The following PTPA variants were observed in gnomAD, a reference collection of about 807,000 sequenced individuals.
PTPA encodes the protein serine/threonine-protein phosphatase 2A activator.
PTPA carries 13 observed loss-of-function variants against 43.6 expected under a neutral mutation model. The observed-to-expected ratio is 0.30, with a 90% CI of 0.19 to 0.47. The LOEUF (loss-of-function observed/expected upper bound fraction) is 0.47, where lower values mean the gene tolerates loss of function less well. Among genes scored for constraint, PTPA ranks in the 20% least tolerant of loss-of-function variants. PTPA has a pLI of 0.99. For synonymous variants in PTPA, 172 were observed against 158.2 expected (o/e 1.09, Z -0.66); for missense variants, 329 against 411.9 (o/e 0.80, Z 1.74).
Position 129,119,980 on chromosome 9 carries a change from C to T in PTPA, c.32-533C>T, listed in dbSNP as rs115370432. Among the ~76,000 whole-genome samples the T allele has an allele frequency of 6.4e-4, 98 of 152,092 alleles. 1 individual carries two copies. The highest frequency in any genetic ancestry group is 2.1e-3 in the African/African-American group (88 of 41,516). ...CCTGGTTTAAAAGTGAGAGAGAGGC[C>T]GGGCGCTTTGGCTCATACCTGTAAT... On this transcript the variant is annotated intron_variant, in intron 1 of 9. Coordinates refer to ENST00000393370, the MANE Select transcript of PTPA (RefSeq NM_178000.3).
chr9:129,125,629 T>G (rs1295125286), intron 3 of PTPA, among the ~76,000 whole-genome samples: 1 of 152,130 alleles, frequency 6.6e-6, no homozygotes, highest in Non-Finnish European at 1.5e-5. Flanking sequence ...CTGGCTAGTT[T>G]CATAACTTGT....
At chr9:129,132,339 TA>T (rs987710628) in intron 5 of PTPA, among the ~76,000 whole-genome samples, 11 of 152,126 alleles carry the variant, frequency 7.2e-5, no homozygotes, top group Admixed American at 2.0e-4. Context: ...TTTATATATT[TA>T]TTTTTTTGAG....
intron 9 of PTPA, among the ~76,000 whole-genome samples, chr9:129,144,736 CAAAAAAAAAA>C (rs35064318): frequency 9.3e-6 from 1 of 108,052 alleles, no homozygotes; most frequent in Admixed American, 9.4e-5. Flanking sequence ...GAGACTCTCT[CAAAAAAAAAA>C]AAAAAAAAAG....
rs117481351 is a variant in PTPA at position 129,126,472 on chromosome 9, G to A, written c.217-2513G>A. Reference sequence around the variant, plus strand: ...TGGGATTACAGACGTGAGCCACTGTGCCTGGCCAGCTAGCTCTTATTTTAA... The same window carrying A: ...TGGGATTACAGACGTGAGCCACTGTACCTGGCCAGCTAGCTCTTATTTTAA... On this transcript the variant is annotated intron_variant, in intron 3 of 9. Coordinates refer to ENST00000393370, the MANE Select transcript of PTPA (RefSeq NM_178000.3). Among the ~76,000 whole-genome samples, 1,614 of 152,164 alleles carry A rather than the reference G, an allele frequency of 0.011. 112 individuals are homozygous for A. The East Asian group carries it at 0.2, about 19-fold the overall frequency.
intron 8 of PTPA, among the ~76,000 whole-genome samples, chr9:129,140,469 G>A (rs1260957362): frequency 6.6e-6 from 1 of 152,186 alleles, no homozygotes; most frequent in Non-Finnish European, 1.5e-5. Context: ...GGGGCCCAGG[G>A]CCACTGGAGC....
chr9:129,131,786 G>C (rs1377586364), intron 5 of PTPA, 147 bp downstream of exon 5: 1 of 794,706 alleles, frequency 1.3e-6, no homozygotes, highest in African/African-American at 1.7e-5. Flanking sequence ...CTGGGGTTAG[G>C]GTGGCTTCAC....
At chr9:129,118,712 G>T (rs114156962) in intron 1 of PTPA, among the ~76,000 whole-genome samples, 2 of 150,590 alleles carry the variant, frequency 1.3e-5, no homozygotes, top group Admixed American at 1.3e-4. Context: ...ATGGGGTCTC[G>T]CTGTGTTGCC....
intron 9 of PTPA, chr9:129,143,337 A>G (rs571225143): frequency 1.4e-6 from 1 of 703,054 alleles, no homozygotes; most frequent in South Asian, 1.5e-5. Context: ...CCACACCTGG[A>G]GTGATGGGTC....
At chr9:129,145,333 A>G (rs1047641658) in intron 9 of PTPA, among the ~76,000 whole-genome samples, 136 of 136,758 alleles carry the variant, frequency 9.9e-4, no homozygotes, top group Admixed American at 5.0e-3. Context: ...CATCTCAGGA[A>G]AAAAAAAAAA....
intron 3 of PTPA, among the ~76,000 whole-genome samples, chr9:129,125,868 G>C (rs926174704): frequency 3.9e-5 from 6 of 152,162 alleles, no homozygotes; most frequent in African/African-American, 1.4e-4. Flanking sequence ...CTAGCTTTTG[G>C]CTGGGCGCGG....
At chr9:129,142,613 C>G in intron 9 of PTPA, 61 bp downstream of exon 9, 1 of 1,602,742 alleles carries the variant, frequency 6.2e-7, no homozygotes, top group Non-Finnish European at 8.5e-7. Context: ...GGGCTGGGGA[C>G]AAAGCAAAAG....
intron 3 of PTPA, among the ~76,000 whole-genome samples, chr9:129,126,063 C>G (rs943355192): frequency 1.3e-5 from 2 of 151,964 alleles, no homozygotes; most frequent in African/African-American, 2.4e-5. Context: ...CAGGAGAATC[C>G]TTTGAAACCC....
At chr9:129,130,361 C>T (rs898723772) in intron 4 of PTPA, among the ~76,000 whole-genome samples, 1 of 151,836 alleles carries the variant, frequency 6.6e-6, no homozygotes, top group Non-Finnish European at 1.5e-5. Flanking sequence ...AAGTGCTGTT[C>T]CCAAGAGACG....
Position 129,131,613 on chromosome 9 carries a change from A to C in PTPA, c.434A>C (p.Asn145Thr). The change falls in exon 5 of 10, where the codon AAC (asparagine) becomes ACC (threonine). Residue 145 changes from asparagine (N) to threonine (T), a missense_variant. By Grantham distance (65) the Asn-to-Thr change is moderately conservative. Transcript: ENST00000393370. Reference protein sequence around the residue: ...VAVYLKESVGNSTRIDYGTGH... With the variant: ...VAVYLKESVGTSTRIDYGTGH... ...GTTTACCTAAAGGAGTCAGTGGGGA[A>C]CTCCACGCGCATTGACTACGGCACA... The C allele has an allele frequency of 1.2e-6, 2 of 1,613,802 alleles. No individual in the cohort carries two copies. Among genetic ancestry groups the C allele is most frequent in the Non-Finnish European group, 1.7e-6 (2 of 1,179,930 alleles).
intron 3 of PTPA, among the ~76,000 whole-genome samples, chr9:129,125,264 C>CTT (rs200683392): frequency 4.8e-5 from 7 of 145,626 alleles, no homozygotes; most frequent in Admixed American, 4.8e-4. Flanking sequence ...CAGGTATTGT[C>CTT]TTTTTTTTTT....
At chr9:129,143,723 C>G in intron 9 of PTPA, 1 of 337,400 alleles carries the variant, frequency 3.0e-6, no homozygotes, top group Admixed American at 4.0e-5. Context: ...CCACATACCT[C>G]TCTAATCTGA....
At chr9:129,112,237 G>A (rs776902693) in intron 1 of PTPA, among the ~76,000 whole-genome samples, 5 of 152,188 alleles carry the variant, frequency 3.3e-5, no homozygotes, top group Non-Finnish European at 5.9e-5. Flanking sequence ...ATCTCCTTCG[G>A]TAACTCTTAT....
intron 6 of PTPA, among the ~76,000 whole-genome samples, chr9:129,135,681 T>C (rs73629617): frequency 0.029 from 4,349 of 152,326 alleles, 191 homozygotes; most frequent in African/African-American, 0.097. Flanking sequence ...TACCCAGAGC[T>C]CTTAAAATCC....
At position 129,116,238 on chromosome 9, in the gene PTPA, G is replaced by A. The variant is rs190640487; in HGVS notation, c.32-4275G>A. On this transcript the variant is annotated intron_variant, in intron 1 of 9. Transcript: ENST00000393370. Reference sequence around the variant, plus strand: ...CTCGCTCTGTTGCCCAGGCTGGAGTGCAGTGGCGCGATCTCGGCTCACTGC... The same window carrying A: ...CTCGCTCTGTTGCCCAGGCTGGAGTACAGTGGCGCGATCTCGGCTCACTGC... 1.2e-3 allele frequency among the ~76,000 whole-genome samples: 188 copies of A among 151,676 alleles called. 4 individuals are homozygous for A. In the East Asian group the frequency reaches 0.035, roughly 28 times the overall value.
Sources: gnomAD v4.1 joint callset for allele counts (sites outside exome capture counted in the v4.1 genomes callset) on GRCh38, gnomAD v4.1.1 for gene constraint, MANE v1.5 for transcripts, NCBI Gene and HGNC (gene_info 2026-07-23, HGNC 2026-07-21) for gene names.